The following VRK2 variants were observed in gnomAD, a reference collection of about 807,000 sequenced individuals.
The protein encoded by VRK2 is VRK serine/threonine kinase 2.
VRK2 carries 60 observed loss-of-function variants against 57.6 expected under a neutral mutation model. That is an observed-to-expected ratio of 1.04 (90% CI 0.85 to 1.29). VRK2 has a LOEUF of 1.29. VRK2 is among the 50% of genes most tolerant of loss of function. VRK2 has a pLI of 0.00. For synonymous variants in VRK2, 231 were observed against 199.2 expected (o/e 1.16, Z -1.35); for missense variants, 705 against 588.1 (o/e 1.20, Z -2.06).
chr2:57,918,036 C>T (rs947693183), intron 1 of VRK2, among the ~76,000 whole-genome samples: 4 of 152,010 alleles, frequency 2.6e-5, no homozygotes, highest in African/African-American at 7.2e-5. Context: ...AATTAGACCA[C>T]CAGATTTCAA....
At chr2:57,909,478 T>TC (rs1453765339) in intron 1 of VRK2, among the ~76,000 whole-genome samples, 1 of 90,238 alleles carries the variant, frequency 1.1e-5, no homozygotes. Flanking sequence ...GTGTGTGTGT[T>TC]TTTTTTTTAG....
At chr2:58,144,975 C>G (rs1023124406) in intron 11 of VRK2, among the ~76,000 whole-genome samples, 2 of 151,912 alleles carry the variant, frequency 1.3e-5, no homozygotes, top group Non-Finnish European at 2.9e-5. Flanking sequence ...CTCTGCTTGC[C>G]CAGCCAATGT....
chr2:57,990,174 A>G (rs942351673), intron 1 of VRK2, among the ~76,000 whole-genome samples: 12 of 152,222 alleles, frequency 7.9e-5, no homozygotes, highest in Non-Finnish European at 1.3e-4. Flanking sequence ...ACAAATGGCC[A>G]AAGACTCTCA....
At chr2:58,152,484 TA>T (rs1220939951) in intron 12 of VRK2, among the ~76,000 whole-genome samples, 1 of 151,898 alleles carries the variant, frequency 6.6e-6, no homozygotes, top group African/African-American at 2.4e-5. Context: ...TTTTTCATTT[TA>T]AAAAAATTAA....
At chr2:58,133,791 C>A (rs1679566157) in intron 9 of VRK2, among the ~76,000 whole-genome samples, 1 of 152,118 alleles carries the variant, frequency 6.6e-6, no homozygotes, top group Non-Finnish European at 1.5e-5. Context: ...CCTGTTTAAT[C>A]ATGGGACAGC....
At chr2:57,971,845 T>C (rs911746788) in intron 1 of VRK2, among the ~76,000 whole-genome samples, 1 of 151,882 alleles carries the variant, frequency 6.6e-6, no homozygotes, top group African/African-American at 2.4e-5. Context: ...AAAACAAAAA[T>C]GCTTCAACTC....
intron 7 of VRK2, among the ~76,000 whole-genome samples, chr2:58,110,924 C>A (rs1675469547): frequency 6.6e-6 from 1 of 152,150 alleles, no homozygotes; most frequent in African/African-American, 2.4e-5. Flanking sequence ...TGATCAACTG[C>A]CCAGGAAGAG....
intron 1 of VRK2, among the ~76,000 whole-genome samples, chr2:57,989,466 C>T (rs1270308253): frequency 2.0e-5 from 3 of 152,026 alleles, no homozygotes; most frequent in East Asian, 1.9e-4. Flanking sequence ...GAAATGTTTG[C>T]CTTAATTTTG....
At chr2:58,007,068 T>A (rs561904478) in intron 1 of VRK2, among the ~76,000 whole-genome samples, 1 of 152,054 alleles carries the variant, frequency 6.6e-6, no homozygotes, top group Non-Finnish European at 1.5e-5. Flanking sequence ...ACTGACACCA[T>A]CAATATTCTT....
At chr2:57,929,183 G>A (rs1361439341) in intron 1 of VRK2, among the ~76,000 whole-genome samples, 2 of 152,238 alleles carry the variant, frequency 1.3e-5, no homozygotes, top group Non-Finnish European at 2.9e-5. Context: ...CAGAGATGCT[G>A]TCCAGGAGCC....
At chr2:58,113,960 A>G (rs899192180) in intron 7 of VRK2, among the ~76,000 whole-genome samples, 3 of 152,020 alleles carry the variant, frequency 2.0e-5, no homozygotes, top group Admixed American at 1.3e-4. Context: ...AGAATGGGCG[A>G]TGTTTCTCAG....
intron 12 of VRK2, among the ~76,000 whole-genome samples, chr2:58,152,458 T>C (rs1039247547): frequency 6.6e-6 from 1 of 151,940 alleles, no homozygotes; most frequent in African/African-American, 2.4e-5. Flanking sequence ...ATTGGTATTG[T>C]TGCTTTAAGG....
chr2:57,984,725 T>G (rs1455024519), intron 1 of VRK2, among the ~76,000 whole-genome samples: 1 of 151,984 alleles, frequency 6.6e-6, no homozygotes, highest in East Asian at 1.9e-4. Flanking sequence ...TCCAATTAGA[T>G]GAGGACAATA....
At chr2:57,992,530 T>A (rs1399589224) in intron 1 of VRK2, among the ~76,000 whole-genome samples, 2 of 151,842 alleles carry the variant, frequency 1.3e-5, no homozygotes, top group East Asian at 3.9e-4. Flanking sequence ...GAATTCAGTG[T>A]TGTTTCTTTT....
intron 1 of VRK2, among the ~76,000 whole-genome samples, chr2:57,941,335 T>C (rs918129752): frequency 6.6e-6 from 1 of 152,158 alleles, no homozygotes; most frequent in Non-Finnish European, 1.5e-5. Flanking sequence ...TTTTTACATA[T>C]CATATGATAT....
In VRK2 at chr2:57,943,371, A is replaced by G. The variant is rs1671159212; in HGVS notation, c.-439+35532A>G. ...TTTTTATTCCAGGCAACTGTATGAG[A>G]AAAGTTTATGGTCAGGAGTAAATTT... On this transcript the variant is annotated intron_variant, in intron 1 of 15. Coordinates refer to the VRK2 transcript ENST00000417641. 2.6e-5 allele frequency among the ~76,000 whole-genome samples: 4 copies of G among 152,198 alleles called. 1 individual carries two copies. In the South Asian group the frequency reaches 8.3e-4, roughly 32 times the overall value.
At chr2:57,912,711 TA>T in intron 1 of VRK2, among the ~76,000 whole-genome samples, 1 of 152,222 alleles carries the variant, frequency 6.6e-6, no homozygotes. Flanking sequence ...TAGCTTCTGG[TA>T]TGCTGGGAAA....
chr2:57,933,642 C>G (rs1670811538), intron 1 of VRK2, among the ~76,000 whole-genome samples: 1 of 139,060 alleles, frequency 7.2e-6, no homozygotes, highest in African/African-American at 2.9e-5. Context: ...GAGTCTTAGC[C>G]TGTAGTTGAG....
rs564111544 is a variant in VRK2, at chr2:58,135,777, A to G, written c.856+578A>G. Among the ~76,000 whole-genome samples the G allele has an allele frequency of 1.7e-4, 26 of 152,306 alleles. No homozygotes were observed. In the South Asian group the frequency reaches 4.1e-3, roughly 24 times the overall value. On this transcript the variant is annotated intron_variant, in intron 10 of 12. Transcript: ENST00000340157. ...GAATTTTTAATTGACAATGTTATCA[A>G]TACATATTGTATAAAATAGCACGTC...
Sources: allele counts gnomAD v4.1 joint callset (sites outside exome capture counted in the v4.1 genomes callset), GRCh38; gene constraint gnomAD v4.1.1; transcripts MANE v1.5; gene names NCBI Gene and HGNC (gene_info 2026-07-23, HGNC 2026-07-21).